The following PKD1L1 variants were observed in gnomAD, a reference collection of about 807,000 sequenced individuals.
PKD1L1 encodes polycystin 1 like 1, transient receptor potential channel interacting, also known as polycystin-1-like protein 1.
In PKD1L1, 236 loss-of-function variants were observed where a neutral mutation model predicts 323.4. The ratio of observed to expected loss-of-function variants is 0.73; its 90% CI spans 0.66 to 0.81. The LOEUF is 0.81. Ranked by LOEUF, PKD1L1 falls within the 40% of genes least tolerant of loss-of-function variation. PKD1L1 has a pLI of 0.00. For synonymous variants in PKD1L1, 1,344 were observed against 1,335.0 expected (o/e 1.01, Z -0.15); for missense variants, 3,320 against 3,508.0 (o/e 0.95, Z 1.35).
chr7:47,924,579 A>G (rs1178864715), intron 7 of PKD1L1, among the ~76,000 whole-genome samples: 1 of 152,246 alleles, frequency 6.6e-6, no homozygotes, highest in Non-Finnish European at 1.5e-5. Context: ...CCTACTCATT[A>G]GCAAAGTCCT....
Position 47,873,919 on chromosome 7 carries a change from A to G in PKD1L1, c.3876T>C (p.Asn1292=). The change falls in exon 24 of 57, where the codon AAT becomes AAC. Residue 1292 remains asparagine (N), a synonymous_variant. Coordinates refer to ENST00000289672, the MANE Select transcript of PKD1L1 (RefSeq NM_138295.5). ...CTCACAGGTCCTCGCCCAGACAGTC[A>G]TTTCCATGGTAGCGGGGCAGCACAG... The part of the protein sequence containing the change: ...VVTVLPRYHG[N]DCLGEDLYNS... 3 of 1,613,850 alleles carry G rather than the reference A, an allele frequency of 1.9e-6. No homozygotes were observed. Among genetic ancestry groups the G allele is most frequent in the Non-Finnish European group, 2.5e-6 (3 of 1,179,844 alleles).
chr7:47,881,396 G>T (rs1786550292), intron 20 of PKD1L1, among the ~76,000 whole-genome samples: 2 of 152,098 alleles, frequency 1.3e-5, no homozygotes, highest in South Asian at 4.1e-4. Context: ...AAGGGTGAAG[G>T]GAAAATTATC....
chr7:47,811,992 G>T lies in PKD1L1; in HGVS notation c.7406C>A (p.Thr2469Asn). 6.3e-7 allele frequency: 1 copy of T among 1,591,060 alleles called. No homozygotes were observed. The highest frequency in any genetic ancestry group is 8.6e-7 in the Non-Finnish European group (1 of 1,168,740). The change falls in exon 50 of 57, where the codon ACC (threonine) becomes AAC (asparagine). Residue 2469 changes from threonine to asparagine, a missense_variant. Coordinates refer to ENST00000289672, the MANE Select transcript of PKD1L1 (RefSeq NM_138295.5). The part of the protein sequence containing the change: ...LRASMWIDRS[T>N]RAVSVHFTLY... ...AGTGAAGTGCACAGACACAGCCCTG[G>T]TGCTGCGGTCAATCCACATGCTGGC...
intron 52 of PKD1L1, 88 bp downstream of exon 52, chr7:47,808,159 C>T: frequency 1.3e-6 from 2 of 1,497,098 alleles, no homozygotes. Flanking sequence ...TGTTGTCTCG[C>T]ACCTTCTAGA....
chr7:47,909,578 T>C (rs1787276417), intron 8 of PKD1L1, among the ~76,000 whole-genome samples: 1 of 152,250 alleles, frequency 6.6e-6, no homozygotes, highest in African/African-American at 2.4e-5. Flanking sequence ...CTACATTCTC[T>C]GTCTTTCTTG....
Position 47,839,372 on chromosome 7 carries a change from G to A in PKD1L1, c.5769+74C>T. Reference sequence around the variant, plus strand: ...GAGTTCAAAGACACAACTGTGGCAAGCGAAGCAGAGACAGGTGCCATGCTC... The same window carrying A: ...GAGTTCAAAGACACAACTGTGGCAAACGAAGCAGAGACAGGTGCCATGCTC... On this transcript the variant is annotated intron_variant, in intron 36 of 56. Coordinates refer to ENST00000289672, the MANE Select transcript of PKD1L1 (RefSeq NM_138295.5). This position sits in a 1 kb window ranked among gnomAD's most constrained non-coding sequence, Gnocchi z 4.3. 8.0e-7 allele frequency: 1 copy of A among 1,254,998 alleles called. No homozygotes were observed. The highest frequency in any genetic ancestry group is 1.1e-6 in the Non-Finnish European group (1 of 893,516). 77.7% of individuals were successfully genotyped at this position (1,254,998 alleles called of 1,614,324 possible).
chr7:47,831,450 G>T (rs1785347847), intron 41 of PKD1L1, 98 bp from the exon 42 acceptor site: 9 of 1,442,432 alleles, frequency 6.2e-6, no homozygotes, highest in Non-Finnish European at 7.4e-6. Flanking sequence ...AACTAGGCTG[G>T]GTCGTAGGGT....
rs1288109030 is a variant in PKD1L1 at position 47,905,853 on chromosome 7, A to G, written c.1512T>C (p.Tyr504=). ...AAAACAAAGACATACATTGCATCTT[A>G]TACCAGACAGTCATGCTGTGCCAAG... The part of the protein sequence containing the change: ...SQAWHSMTVW[Y]KMQSVSVYTN... Residue 504 remains tyrosine, a synonymous_variant, in exon 10 of 57, where the codon TAT becomes TAC. Transcript: ENST00000289672. 1.2e-6 allele frequency: 2 copies of G among 1,612,936 alleles called. No homozygotes were observed. Among genetic ancestry groups the G allele is most frequent in the African/African-American group, 2.7e-5 (2 of 74,816 alleles).
At chr7:47,932,551 C>T (rs551163612) in intron 4 of PKD1L1, among the ~76,000 whole-genome samples, 11 of 152,332 alleles carry the variant, frequency 7.2e-5, no homozygotes, top group South Asian at 6.2e-4. Context: ...CCAGCAGGGA[C>T]GAGGGTCAGT....
At chr7:47,799,757 A>G (rs1005757722) in intron 54 of PKD1L1, among the ~76,000 whole-genome samples, 1 of 152,134 alleles carries the variant, frequency 6.6e-6, no homozygotes, top group Admixed American at 6.5e-5. Flanking sequence ...GCATGCCTAT[A>G]GGCTTAGTCA....
At chr7:47,801,174 A>T (rs887715540) in intron 53 of PKD1L1, among the ~76,000 whole-genome samples, 20 of 151,682 alleles carry the variant, frequency 1.3e-4, no homozygotes, top group African/African-American at 4.8e-4. Context: ...TCCTCTGCCT[A>T]TGGTGACAAG....
chr7:47,876,250 T>C (rs1583639467), intron 22 of PKD1L1, 33 bp from the exon 23 acceptor site: 1 of 1,608,916 alleles, frequency 6.2e-7, no homozygotes, highest in Non-Finnish European at 8.5e-7. Context: ...AAAAATAGTA[T>C]AAATGAACAC....
chr7:47,854,782 T>C (rs1055297292), intron 30 of PKD1L1, 100 bp downstream of exon 30: 22 of 1,406,772 alleles, frequency 1.6e-5, no homozygotes, highest in Non-Finnish European at 2.1e-5. Context: ...TCATTATTGC[T>C]TTAAAAACAC....
In PKD1L1 at chr7:47,855,217, G is replaced by C. The variant is rs1304668511; in HGVS notation, c.4639C>G (p.Pro1547Ala). 1.9e-6 allele frequency: 3 copies of C among 1,614,158 alleles called. No homozygotes were observed. The highest frequency in any genetic ancestry group is 2.5e-6 in the Non-Finnish European group (3 of 1,180,026). Residue 1547 changes from proline (P) to alanine (A), a missense_variant, in exon 29 of 57, where the codon CCC (proline) becomes GCC (alanine). Transcript: ENST00000289672. The stretch of plus-strand genomic sequence containing the variant: ...TTCCTTAGCCATTGCCTGTTGATGG[G>C]TCTTCTGCTGGAGCAGGTATAGAGG... ...LNLYTCSSRR[P>A]INRQWLRKPV...
At chr7:47,872,361 G>T (rs901891702) in intron 24 of PKD1L1, among the ~76,000 whole-genome samples, 1 of 135,978 alleles carries the variant, frequency 7.4e-6, no homozygotes, top group African/African-American at 2.9e-5. Flanking sequence ...AACAAAGTTA[G>T]TGGGCTCAGG....
At chr7:47,786,993 T>C (rs1786823333) in intron 56 of PKD1L1, among the ~76,000 whole-genome samples, 1 of 152,216 alleles carries the variant, frequency 6.6e-6, no homozygotes, top group South Asian at 2.1e-4. Flanking sequence ...GATTTGTAGG[T>C]GGTTATTGAT....
intron 56 of PKD1L1, among the ~76,000 whole-genome samples, chr7:47,781,682 T>C (rs1156791296): frequency 2.0e-5 from 3 of 152,194 alleles, no homozygotes; most frequent in South Asian, 4.2e-4. Context: ...GTGCTGGGAT[T>C]ACAGGTGTGA....
intron 26 of PKD1L1, among the ~76,000 whole-genome samples, chr7:47,862,169 TG>T (rs1267497512): frequency 1.3e-5 from 2 of 151,650 alleles, no homozygotes; most frequent in African/African-American, 4.9e-5. Context: ...CACTCCAGCT[TG>T]GGCGACAGAG....
chr7:47,834,508 G>T, intron 39 of PKD1L1, 123 bp from the exon 40 acceptor site: 1 of 792,154 alleles, frequency 1.3e-6, no homozygotes, highest in Non-Finnish European at 2.1e-6. Context: ...TCCTGACTCA[G>T]CCAGAATGAG....
Sources: gnomAD v4.1 joint callset for allele counts (sites outside exome capture counted in the v4.1 genomes callset) on GRCh38, gnomAD v4.1.1 for gene constraint, Gnocchi (gnomAD v3.1) non-coding constraint, MANE v1.5 for transcripts, NCBI Gene and HGNC (gene_info 2026-07-23, HGNC 2026-07-21) for gene names.